MYH11: variants seen among roughly 807,000 people sequenced by gnomAD.
MYH11 encodes the protein myosin heavy chain 11, also known as myosin-11.
Under a neutral mutation model 246.6 loss-of-function variants are expected in MYH11, and 80 were observed. That is an observed-to-expected ratio of 0.32 (90% CI 0.27 to 0.39). The LOEUF is 0.39. Among genes scored for constraint, MYH11 ranks in the 10% least tolerant of loss-of-function variants. The pLI, the probability that MYH11 is intolerant of heterozygous loss-of-function variation, is 1.00. For synonymous variants in MYH11, 1,071 were observed against 1,015.5 expected (o/e 1.05, Z -1.04); for missense variants, 2,158 against 2,546.8 (o/e 0.85, Z 3.29).
chr16:15,715,148 G>A lies in MYH11; in HGVS notation c.5613+16C>T. 1 of 1,613,110 alleles carries A rather than the reference G, an allele frequency of 6.2e-7. No individual in the cohort carries two copies. Among genetic ancestry groups the A allele is most frequent in the South Asian group, 1.1e-5 (1 of 91,082 alleles). On this transcript the variant is annotated intron_variant, in intron 39 of 40. Transcript: ENST00000300036. The stretch of plus-strand genomic sequence containing the variant: ...GGGGGCTGGGGGCTCGAGGGAGGCT[G>A]GGTGGCAGGGGCTACCTGCTCCTTG...
At chr16:15,783,039 G>T (rs1406892119) in intron 5 of MYH11, 1 of 157,934 alleles carries the variant, frequency 6.3e-6, no homozygotes, top group Non-Finnish European at 1.4e-5. Context: ...TCCTCTTAGC[G>T]GACTGCGGAA....
rs199800922 is a variant in MYH11, at chr16:15,732,612, G to C, written c.3603C>G (p.His1201Gln). The change falls in exon 27 of 41, where the codon CAC (histidine) becomes CAG (glutamine). Residue 1201 changes from histidine to glutamine, a missense_variant. This residue lies in a region of MYH11 where 34 missense variants were observed against 70.4 expected (regional missense o/e 0.48). Transcript: ENST00000300036. The part of the protein sequence containing the change: ...EAQVQEMRQK[H>Q]AQAVEELTEQ... ...CTGTGAGCTCCTCCACCGCCTGTGC[G>C]TGTTTCTGCCTCATCTCCTGGACCT... 19 of 1,614,108 alleles carry C rather than the reference G, an allele frequency of 1.2e-5. No individual in the cohort carries two copies. The highest frequency in any genetic ancestry group is 2.2e-5 in the East Asian group (1 of 44,900).
At chr16:15,817,519 AG>A (rs144792783) in intron 3 of MYH11, among the ~76,000 whole-genome samples, 1 of 151,990 alleles carries the variant, frequency 6.6e-6, no homozygotes, top group African/African-American at 2.4e-5. Context: ...TCAAAAAAAA[AG>A]GGGGGGAGAA....
At chr16:15,820,219 G>A (rs965896744) in intron 3 of MYH11, among the ~76,000 whole-genome samples, 1 of 152,148 alleles carries the variant, frequency 6.6e-6, no homozygotes, top group African/African-American at 2.4e-5. Flanking sequence ...GTGCATGCCT[G>A]TAATCCCAGC....
chr16:15,776,616 G>A (rs1396551184), intron 7 of MYH11, among the ~76,000 whole-genome samples: 1 of 152,160 alleles, frequency 6.6e-6, no homozygotes, highest in African/African-American at 2.4e-5. Context: ...TAGGAAATAA[G>A]TGCAACTATT....
chr16:15,845,894 C>A (rs984650842), intron 1 of MYH11, among the ~76,000 whole-genome samples: 2 of 152,000 alleles, frequency 1.3e-5, no homozygotes, highest in Admixed American at 6.6e-5. Flanking sequence ...GAGTTTGAGA[C>A]CAGCTTGGCC....
chr16:15,787,481 C>CTTTTT (rs370002467), intron 4 of MYH11, among the ~76,000 whole-genome samples: 18 of 116,016 alleles, frequency 1.6e-4, no homozygotes, highest in East Asian at 2.9e-4. Flanking sequence ...GAATTATCTA[C>CTTTTT]TTTTTTTTTT....
At chr16:15,738,037 C>T (rs925087726) in intron 24 of MYH11, among the ~76,000 whole-genome samples, 1 of 152,070 alleles carries the variant, frequency 6.6e-6, no homozygotes, top group African/African-American at 2.4e-5. Flanking sequence ...CCGCCCACCT[C>T]GGCCTCCCAA....
Position 15,745,121 on chromosome 16 carries a change from G to T in MYH11, c.2520+8C>A, listed in dbSNP as rs8063833. On this transcript the variant is annotated splice_region_variant and intron_variant, in intron 20 of 40. Coordinates refer to ENST00000300036, the MANE Select transcript of MYH11 (RefSeq NM_002474.3). ...CCCCTGGGAAGGGGGCTGGGGCAGA[G>T]CACTCACTTTGGTGAAAAGCCTCCA... 141 of 1,611,452 alleles carry T rather than the reference G, an allele frequency of 8.7e-5. No individual in the cohort carries two copies. In the African/African-American group the frequency reaches 1.8e-3, roughly 20 times the overall value.
intron 3 of MYH11, among the ~76,000 whole-genome samples, chr16:15,811,735 T>C (rs937031852): frequency 6.6e-6 from 1 of 152,112 alleles, no homozygotes; most frequent in African/African-American, 2.4e-5. Flanking sequence ...GAAAGTCGTT[T>C]GGATCACTCC....
rs556395439 is a variant in MYH11 at position 15,719,054 on chromosome 16, G to A, written c.5171+166C>T. Reference sequence around the variant, plus strand: ...GAGGCAGGAGAATTGCTTGAACCTGGGAGGTGGAGGTTGCAGTGAGCCAAG... The same window carrying A: ...GAGGCAGGAGAATTGCTTGAACCTGAGAGGTGGAGGTTGCAGTGAGCCAAG... On this transcript the variant is annotated intron_variant, in intron 36 of 40. Transcript: ENST00000300036. 1.2e-4 allele frequency: 82 copies of A among 690,550 alleles called. No homozygotes were observed. The East Asian group carries it at 2.1e-3, about 18-fold the overall frequency. 42.8% of individuals were successfully genotyped at this position (690,550 alleles called of 1,614,324 possible).
intron 1 of MYH11, among the ~76,000 whole-genome samples, chr16:15,853,513 T>C (rs1020584850): frequency 6.6e-6 from 1 of 152,180 alleles, no homozygotes; most frequent in Non-Finnish European, 1.5e-5. Flanking sequence ...GAAACCCTGA[T>C]ACAAGTCACA....
chr16:15,765,988 C>T (rs1860827134), intron 9 of MYH11, among the ~76,000 whole-genome samples: 1 of 152,282 alleles, frequency 6.6e-6, no homozygotes, highest in African/African-American at 2.4e-5. Context: ...AGATAATTCT[C>T]TATTGTGGGG....
chr16:15,833,363 AAG>A (rs951512668), intron 2 of MYH11, among the ~76,000 whole-genome samples: 1 of 120,190 alleles, frequency 8.3e-6, no homozygotes, highest in Non-Finnish European at 1.7e-5. Flanking sequence ...GAAAGGAAGA[AAG>A]AGAGAGGGAG....
At chr16:15,840,595 G>A (rs2044026965) in intron 1 of MYH11, among the ~76,000 whole-genome samples, 4 of 152,064 alleles carry the variant, frequency 2.6e-5, no homozygotes, top group African/African-American at 4.8e-5. Flanking sequence ...AGCCTGGCAC[G>A]GTGGTGCATG....
intron 10 of MYH11, among the ~76,000 whole-genome samples, chr16:15,762,211 G>A (rs1196832453): frequency 6.6e-6 from 1 of 152,226 alleles, no homozygotes; most frequent in African/African-American, 2.4e-5. Flanking sequence ...CTGACTTCAA[G>A]TGATCCACCT....
intron 40 of MYH11, among the ~76,000 whole-genome samples, chr16:15,708,614 G>A (rs1398582101): frequency 6.6e-6 from 1 of 152,152 alleles, no homozygotes; most frequent in Non-Finnish European, 1.5e-5. Flanking sequence ...CAAGAGATGA[G>A]GTCTATTTGT....
intron 7 of MYH11, among the ~76,000 whole-genome samples, chr16:15,777,856 T>A (rs755916943): frequency 7.2e-5 from 11 of 152,060 alleles, no homozygotes; most frequent in Admixed American, 3.3e-4. Flanking sequence ...GAGGCAAAAC[T>A]GAGGCCCAGA....
At chr16:15,735,692 CCTT>C (rs2041098179) in intron 25 of MYH11, 114 bp from the exon 26 acceptor site, 2 of 969,014 alleles carry the variant, frequency 2.1e-6, no homozygotes, top group South Asian at 1.3e-5. Context: ...ACATCAAACA[CCTT>C]CTATCCATGT....
Sources: allele counts gnomAD v4.1 joint callset (sites outside exome capture counted in the v4.1 genomes callset), GRCh38; gene constraint gnomAD v4.1.1; regional missense constraint gnomAD v4.1.1; transcripts MANE v1.5; gene names NCBI Gene and HGNC (gene_info 2026-07-23, HGNC 2026-07-21).